The following CSMD1 variants were observed in gnomAD, a reference collection of about 807,000 sequenced individuals.
CSMD1 encodes the protein CUB and Sushi multiple domains 1.
CSMD1 carries 213 observed loss-of-function variants against 417.5 expected under a neutral mutation model. That is an observed-to-expected ratio of 0.51 (90% CI 0.46 to 0.57). The LOEUF is 0.57. Ranked by LOEUF, CSMD1 falls within the 20% of genes least tolerant of loss-of-function variation. CSMD1 has a pLI of 0.00. For synonymous variants in CSMD1, 2,862 were observed against 1,736.8 expected, an observed-to-expected ratio of 1.65 and a Z score of -16.11; for missense variants, 6,923 against 4,529.7, an observed-to-expected ratio of 1.53 and a Z score of -15.17.
rs200744652 is a variant in CSMD1 at position 3,414,145 on chromosome 8, G to GAA, written c.1562-4542_1562-4541dup. 2.2e-3 allele frequency among the ~76,000 whole-genome samples: 101 copies of GAA among 46,768 alleles called. 1 individual carries two copies. The highest frequency in any genetic ancestry group is 0.036 in the Middle Eastern group (2 of 56). The allele number at this position is 46,768 out of a possible 152,430, so 30.7% of individuals were successfully genotyped here. A position where few individuals can be genotyped will look rare whatever the true frequency, so the allele number is the denominator to read the frequency against. ...CAGAGCGAGACTCCGTTAAAGAAAA[G>GAA]AAAAAAAAAAAAAAAAGAAGCAAAC... On this transcript the variant is annotated intron_variant, in intron 12 of 69. Coordinates refer to ENST00000635120, the MANE Select transcript of CSMD1 (RefSeq NM_033225.6).
At chr8:3,834,244 C>T (rs890106543) in intron 5 of CSMD1, among the ~76,000 whole-genome samples, 5 of 152,154 alleles carry the variant, frequency 3.3e-5, no homozygotes, top group African/African-American at 1.2e-4. Flanking sequence ...AAGGCCCCCT[C>T]TGTCCATATA....
At position 3,617,362 on chromosome 8, in the gene CSMD1, C is replaced by T. The variant is rs1215790120; in HGVS notation, c.1010-565G>A. Among the ~76,000 whole-genome samples the T allele has an allele frequency of 2.6e-5, 4 of 152,170 alleles. No homozygotes were observed. In the East Asian group the frequency reaches 7.7e-4, roughly 29 times the overall value. On this transcript the variant is annotated intron_variant, in intron 7 of 69. Coordinates refer to ENST00000635120, the MANE Select transcript of CSMD1 (RefSeq NM_033225.6). ...ACTTTTCTCCTGTTGGGACTTGCACCATCACAGAATAATTTCTAAAGAACT... is the reference window on the plus strand; with the variant it reads ...ACTTTTCTCCTGTTGGGACTTGCACTATCACAGAATAATTTCTAAAGAACT...
chr8:4,420,176 A>G (rs1408334021), intron 2 of CSMD1, 111 bp from the exon 3 acceptor site: 5 of 655,726 alleles, frequency 7.6e-6, no homozygotes, highest in African/African-American at 1.8e-5. Context: ...CACTTGAAAT[A>G]TGGCATTAAA....
At chr8:4,498,685 T>G (rs1242711419) in intron 2 of CSMD1, among the ~76,000 whole-genome samples, 1 of 152,178 alleles carries the variant, frequency 6.6e-6, no homozygotes, top group African/African-American at 2.4e-5. Context: ...ATCGAGTACC[T>G]ACTTTGTGGT....
At chr8:4,201,406 T>G (rs1352214426) in intron 3 of CSMD1, among the ~76,000 whole-genome samples, 2 of 151,666 alleles carry the variant, frequency 1.3e-5, no homozygotes, top group Admixed American at 6.6e-5. Context: ...GGGGTGGCGC[T>G]GGGCGCCTGT....
chr8:3,298,709 C>G (rs1452361578), intron 25 of CSMD1, among the ~76,000 whole-genome samples: 3 of 152,230 alleles, frequency 2.0e-5, no homozygotes, highest in Non-Finnish European at 4.4e-5. Flanking sequence ...CCGCCTCAGC[C>G]TCCCAAAGTG....
chr8:3,839,602 A>G (rs911694141), intron 5 of CSMD1, among the ~76,000 whole-genome samples: 3 of 138,832 alleles, frequency 2.2e-5, no homozygotes, highest in African/African-American at 5.3e-5. Flanking sequence ...TATGATATAT[A>G]TAGTTGCCCA....
intron 3 of CSMD1, among the ~76,000 whole-genome samples, chr8:4,092,654 C>A (rs141656297): frequency 1.3e-5 from 2 of 152,066 alleles, no homozygotes; most frequent in African/African-American, 2.4e-5. Flanking sequence ...AAATCATTTC[C>A]AAACAGAATT....
chr8:4,689,271 A>G (rs1806601171), intron 1 of CSMD1, among the ~76,000 whole-genome samples: 2 of 152,328 alleles, frequency 1.3e-5, no homozygotes, highest in South Asian at 4.1e-4. Context: ...AAAGTTCACC[A>G]GCTCCCTAAT....
intron 54 of CSMD1, among the ~76,000 whole-genome samples, chr8:2,985,525 T>C (rs1256667390): frequency 3.3e-5 from 5 of 152,214 alleles, no homozygotes; most frequent in Non-Finnish European, 7.3e-5. Context: ...ACAAAGTCAC[T>C]AAATTACACA....
intron 26 of CSMD1, among the ~76,000 whole-genome samples, chr8:3,238,979 T>C (rs892991993): frequency 6.6e-6 from 1 of 152,032 alleles, no homozygotes; most frequent in South Asian, 2.1e-4. Flanking sequence ...ACAAGTTTTT[T>C]GGGGCACAGT....
intron 2 of CSMD1, among the ~76,000 whole-genome samples, chr8:4,431,852 T>A (rs566697186): frequency 3.6e-4 from 55 of 152,310 alleles, no homozygotes; most frequent in African/African-American, 1.3e-3. Flanking sequence ...GTGGGCCTAT[T>A]TTCTTGGTGG....
At chr8:3,614,948 G>A (rs564530669) in intron 8 of CSMD1, among the ~76,000 whole-genome samples, 2 of 152,202 alleles carry the variant, frequency 1.3e-5, no homozygotes, top group African/African-American at 2.4e-5. Context: ...CGACAAGAGG[G>A]ACATGAAAGA....
chr8:4,114,460 C>T (rs74528373), intron 3 of CSMD1, among the ~76,000 whole-genome samples: 6,988 of 152,234 alleles, frequency 0.046, 222 homozygotes, highest in Non-Finnish European at 0.058. Flanking sequence ...GACAGAGATG[C>T]TTAAAGAGAT....
At chr8:3,606,746 G>A (rs917525684) in intron 8 of CSMD1, among the ~76,000 whole-genome samples, 4 of 147,478 alleles carry the variant, frequency 2.7e-5, no homozygotes, top group Non-Finnish European at 4.5e-5. Context: ...GAGTCTCACT[G>A]GGTCCCCAGG....
intron 5 of CSMD1, among the ~76,000 whole-genome samples, chr8:3,955,768 C>A (rs1563251083): frequency 6.6e-6 from 1 of 152,196 alleles, no homozygotes; most frequent in East Asian, 1.9e-4. Context: ...CATAGAAACC[C>A]AGTGAATTAA....
At chr8:3,613,063 A>G (rs147076300) in intron 8 of CSMD1, among the ~76,000 whole-genome samples, 267 of 152,156 alleles carry the variant, frequency 1.8e-3, no homozygotes, top group African/African-American at 6.3e-3. Context: ...TTTTTTTAAA[A>G]ATATGAATAT....
At chr8:4,363,690 G>C (rs1801907484) in intron 3 of CSMD1, among the ~76,000 whole-genome samples, 1 of 152,178 alleles carries the variant, frequency 6.6e-6, no homozygotes, top group Admixed American at 6.5e-5. Context: ...TCTGTGCCTG[G>C]TTATTTCACT....
chr8:3,780,285 G>C (rs907835521), intron 5 of CSMD1, among the ~76,000 whole-genome samples: 29 of 152,330 alleles, frequency 1.9e-4, no homozygotes, highest in Middle Eastern at 3.4e-3. Flanking sequence ...AAGAGGCTGA[G>C]CAATTAGTTC....
Sources: allele counts gnomAD v4.1 joint callset (sites outside exome capture counted in the v4.1 genomes callset), GRCh38; gene constraint gnomAD v4.1.1; transcripts MANE v1.5; gene names NCBI Gene and HGNC (gene_info 2026-07-23, HGNC 2026-07-21).